The following GRM5 variants were observed in gnomAD, a reference collection of about 807,000 sequenced individuals.
GRM5 encodes metabotropic glutamate receptor 5.
A neutral mutation model predicts 83.1 loss-of-function variants in GRM5; 19 were observed. The observed-to-expected ratio is 0.23, with a 90% confidence interval of 0.16 to 0.34. GRM5 has a LOEUF of 0.34. GRM5 is among the 10% of genes least tolerant of loss of function. GRM5 has a pLI of 1.00. For missense variants in GRM5, 1,160 were observed against 1,588.3 expected, an observed-to-expected ratio of 0.73 and a Z score of 4.58; for synonymous variants, 675 against 633.6, an observed-to-expected ratio of 1.07 and a Z score of -0.98.
At chr11:89,021,442 A>G (rs1046842495) in intron 2 of GRM5, among the ~76,000 whole-genome samples, 12 of 152,302 alleles carry the variant, frequency 7.9e-5, no homozygotes, top group African/African-American at 2.9e-4. Flanking sequence ...GGAAGTTTCC[A>G]AAAGCTGGGG....
chr11:88,850,567 T>G (rs555581865), intron 2 of GRM5, among the ~76,000 whole-genome samples: 1 of 151,400 alleles, frequency 6.6e-6, no homozygotes, highest in East Asian at 1.9e-4. Flanking sequence ...ATATAGTACA[T>G]ATAAGTAATA....
intron 3 of GRM5, among the ~76,000 whole-genome samples, chr11:88,721,691 A>G (rs567947565): frequency 5.9e-5 from 9 of 152,250 alleles, no homozygotes; most frequent in Non-Finnish European, 1.3e-4. Flanking sequence ...ATGGTTGGAA[A>G]TAAGTGAAAA....
chr11:88,999,637 G>A (rs1278264296), intron 2 of GRM5, among the ~76,000 whole-genome samples: 1 of 152,156 alleles, frequency 6.6e-6, no homozygotes, highest in Admixed American at 6.5e-5. Flanking sequence ...TACACTGTTG[G>A]TGGGACTGTA....
chr11:88,672,343 ATAT>A (rs976209050), intron 3 of GRM5, among the ~76,000 whole-genome samples: 11 of 152,116 alleles, frequency 7.2e-5, no homozygotes, highest in African/African-American at 2.6e-4. Flanking sequence ...GATGACAAAC[ATAT>A]TATATCTGTC....
At chr11:89,001,704 G>A (rs1023619476) in intron 2 of GRM5, among the ~76,000 whole-genome samples, 1 of 152,090 alleles carries the variant, frequency 6.6e-6, no homozygotes, top group Non-Finnish European at 1.5e-5. Context: ...AACTGGTAAA[G>A]AGTATTTGAG....
At chr11:88,776,845 G>A (rs1313957471) in intron 3 of GRM5, among the ~76,000 whole-genome samples, 3 of 152,186 alleles carry the variant, frequency 2.0e-5, no homozygotes, top group Non-Finnish European at 4.4e-5. Context: ...TGGGTAACTT[G>A]ACCTTTCTCT....
intron 3 of GRM5, among the ~76,000 whole-genome samples, chr11:88,798,840 CAAA>C (rs1163307345): frequency 8.0e-5 from 9 of 111,844 alleles, no homozygotes; most frequent in Admixed American, 5.9e-4. Flanking sequence ...ACAACAACAA[CAAA>C]AAAAAACTGC....
intron 4 of GRM5, among the ~76,000 whole-genome samples, chr11:88,650,790 G>T (rs1939611267): frequency 6.6e-6 from 1 of 151,872 alleles, no homozygotes; most frequent in Admixed American, 6.6e-5. Context: ...AATTTATTTA[G>T]CATGTTGGCT....
intron 2 of GRM5, among the ~76,000 whole-genome samples, chr11:88,964,823 A>G (rs536670041): frequency 1.1e-4 from 16 of 152,300 alleles, no homozygotes; most frequent in African/African-American, 3.8e-4. Flanking sequence ...CTACTTTTGT[A>G]TATTAAAAAA....
At chr11:88,677,577 G>T (rs1356661164) in intron 3 of GRM5, among the ~76,000 whole-genome samples, 1 of 152,130 alleles carries the variant, frequency 6.6e-6, no homozygotes, top group Non-Finnish European at 1.5e-5. Flanking sequence ...AAGAAATGGA[G>T]CCAGAATCCT....
chr11:88,812,176 G>A (rs1465605121), intron 3 of GRM5, among the ~76,000 whole-genome samples: 4 of 151,978 alleles, frequency 2.6e-5, no homozygotes, highest in Non-Finnish European at 4.4e-5. Flanking sequence ...ACTATATTTC[G>A]ATAATTTCAT....
At position 88,604,699 on chromosome 11, in the gene GRM5, G is replaced by A. The variant is rs758560604; in HGVS notation, c.1394+19C>T. 4.4e-6 allele frequency: 7 copies of A among 1,588,206 alleles called. No homozygotes were observed. The Admixed American group carries it at 1.2e-4, about 26-fold the overall frequency. ...GTTATTCAGTCTCTACTCTGCAGAG[G>A]AGAATTGTAACACAATACCTTCCTG... On this transcript the variant is annotated intron_variant, in intron 5 of 9. Transcript: ENST00000305447.
chr11:88,991,268 T>C (rs1461100816), intron 2 of GRM5, among the ~76,000 whole-genome samples: 1 of 152,094 alleles, frequency 6.6e-6, no homozygotes, highest in African/African-American at 2.4e-5. Flanking sequence ...TCACAATTGC[T>C]TCAAAGGAAT....
intron 8 of GRM5, among the ~76,000 whole-genome samples, chr11:88,541,448 A>T (rs4753503): frequency 0.41 from 62,858 of 151,988 alleles, 15,168 homozygotes; most frequent in East Asian, 0.69. Context: ...ATAGACACAG[A>T]TACATGTATA....
intron 2 of GRM5, among the ~76,000 whole-genome samples, chr11:88,928,911 C>T (rs11021679): frequency 0.051 from 1,480 of 29,092 alleles, 21 homozygotes; most frequent in African/African-American, 0.096. Flanking sequence ...TGTATATACA[C>T]ACACACACAC....
rs1186688241 is a variant in GRM5, at chr11:88,590,753, T to C, written c.1564-26A>G. On this transcript the variant is annotated intron_variant, in intron 6 of 9. Coordinates refer to ENST00000305447, the MANE Select transcript of GRM5 (RefSeq NM_001143831.3). ...CTAAGGCAAATATTTGAAATTTAGATTTTTTTTTGCATAGATAAAAATCCA... is the reference window on the plus strand; with the variant it reads ...CTAAGGCAAATATTTGAAATTTAGACTTTTTTTTGCATAGATAAAAATCCA... 6.5e-6 allele frequency: 10 copies of C among 1,536,932 alleles called. No individual in the cohort carries two copies. The Admixed American group carries it at 1.6e-4, about 24-fold the overall frequency.
intron 9 of GRM5, among the ~76,000 whole-genome samples, chr11:88,510,204 T>C (rs545998797): frequency 6.3e-4 from 96 of 152,390 alleles, no homozygotes; most frequent in Non-Finnish European, 9.6e-4. Flanking sequence ...TTGAGTTCTG[T>C]ACTTGAATAA....
chr11:88,804,840 G>A (rs945905209), intron 3 of GRM5, among the ~76,000 whole-genome samples: 1 of 152,140 alleles, frequency 6.6e-6, no homozygotes, highest in Non-Finnish European at 1.5e-5. Flanking sequence ...GGTGGCAGAG[G>A]ATGAGGGATG....
At chr11:88,994,373 G>T (rs568272994) in intron 2 of GRM5, among the ~76,000 whole-genome samples, 1 of 150,862 alleles carries the variant, frequency 6.6e-6, no homozygotes, top group Admixed American at 6.6e-5. Flanking sequence ...CAAAAAGAGA[G>T]AAAGTATTTT....
Sources: allele counts gnomAD v4.1 joint callset (sites outside exome capture counted in the v4.1 genomes callset), GRCh38; gene constraint gnomAD v4.1.1; transcripts MANE v1.5; gene names NCBI Gene and HGNC (gene_info 2026-07-23, HGNC 2026-07-21).